CNBD1: variants seen among roughly 807,000 people sequenced by gnomAD.
CNBD1 encodes the protein cyclic nucleotide binding domain containing 1.
In CNBD1, 71 loss-of-function variants were observed where a neutral mutation model predicts 54.4. The observed-to-expected ratio is 1.30, with a 90% CI of 1.08 to 1.59. CNBD1 has a LOEUF of 1.59. Ranked by LOEUF, CNBD1 falls within the 40% of genes most tolerant of loss-of-function variation. CNBD1 has a pLI of 0.00. For missense variants in CNBD1, 659 were observed against 518.0 expected (o/e 1.27, Z -2.64); for synonymous variants, 182 against 170.7 (o/e 1.07, Z -0.51).
At position 87,096,343 on chromosome 8, in the gene CNBD1, C is replaced by CTT. The variant is rs764461082; in HGVS notation, c.432-109630_432-109629dup. Among the ~76,000 whole-genome samples the CTT allele has an allele frequency of 8.1e-3, 944 of 117,126 alleles. 19 individuals are homozygous for CTT. Among genetic ancestry groups the CTT allele is most frequent in the African/African-American group, 0.028 (902 of 32,760 alleles). 76.8% of individuals were successfully genotyped at this position (117,126 alleles called of 152,430 possible). On this transcript the variant is annotated intron_variant, in intron 4 of 10. Transcript: ENST00000518476. ...AGAAAGAAGAATAGCTCTCTGGTGT[C>CTT]TTTTTTTTTTTTTTTTTTTTTAATA...
chr8:87,237,161 T>C lies in CNBD1; in HGVS notation c.771+49T>C, dbSNP rs1406121826. 3.4e-6 allele frequency: 4 copies of C among 1,179,014 alleles called. No individual in the cohort carries two copies. The Admixed American group carries it at 6.8e-5, about 20-fold the overall frequency. 73.0% of individuals were successfully genotyped at this position (1,179,014 alleles called of 1,614,324 possible). A position where few individuals can be genotyped will look rare whatever the true frequency, so the allele number is the denominator to read the frequency against. ...TCCACAAGCAACAAGGTAACGGGCT[T>C]TTGTAAAACTTTATCTCTTCCAGAC... is the stretch of plus-strand genomic sequence containing the variant. On this transcript the variant is annotated intron_variant, in intron 6 of 10. Coordinates refer to ENST00000518476, the MANE Select transcript of CNBD1 (RefSeq NM_173538.3).
chr8:87,091,412 G>A (rs1315158874), intron 4 of CNBD1, among the ~76,000 whole-genome samples: 1 of 152,144 alleles, frequency 6.6e-6, no homozygotes, highest in African/African-American at 2.4e-5. Context: ...TCAGTATGGT[G>A]AGAATCAGTC....
chr8:86,937,103 G>A (rs1021291539), intron 3 of CNBD1, among the ~76,000 whole-genome samples: 1 of 152,164 alleles, frequency 6.6e-6, no homozygotes, highest in African/African-American at 2.4e-5. Context: ...AGTTCCACAT[G>A]GCTGAGGTAG....
At chr8:86,981,850 AATG>A (rs1808495664) in intron 4 of CNBD1, among the ~76,000 whole-genome samples, 1 of 152,202 alleles carries the variant, frequency 6.6e-6, no homozygotes, top group Admixed American at 6.5e-5. Context: ...TATTGTGAAT[AATG>A]ATTTTATGAA....
intron 8 of CNBD1, among the ~76,000 whole-genome samples, chr8:87,335,148 T>A (rs1332502430): frequency 1.3e-5 from 2 of 152,192 alleles, no homozygotes; most frequent in Non-Finnish European, 2.9e-5. Context: ...TTAGAGTAAG[T>A]GTCATGTGGC....
intron 3 of CNBD1, among the ~76,000 whole-genome samples, chr8:86,937,624 A>G (rs1028219042): frequency 2.0e-5 from 3 of 152,142 alleles, no homozygotes; most frequent in Admixed American, 6.5e-5. Flanking sequence ...CACCCTCTGA[A>G]GCAACGGTTT....
intron 10 of CNBD1, among the ~76,000 whole-genome samples, chr8:87,382,408 T>C (rs1811096454): frequency 6.6e-6 from 1 of 151,988 alleles, no homozygotes; most frequent in South Asian, 2.1e-4. Context: ...GAATTTTCCT[T>C]GTGGAAAAAT....
chr8:86,889,471 C>T (rs1384905476), intron 2 of CNBD1, among the ~76,000 whole-genome samples: 1 of 151,768 alleles, frequency 6.6e-6, no homozygotes, highest in Non-Finnish European at 1.5e-5. Flanking sequence ...GAAAAGTGAC[C>T]AATAAATTAC....
intron 4 of CNBD1, among the ~76,000 whole-genome samples, chr8:87,134,425 T>TC (rs1812183615): frequency 6.6e-6 from 1 of 152,116 alleles, no homozygotes; most frequent in East Asian, 1.9e-4. Context: ...GTTGCTTTGT[T>TC]TCTTAATATA....
rs200920343 is a variant in CNBD1 at position 87,349,384 on chromosome 8, A to AT, written c.1043-2292dup. Among the ~76,000 whole-genome samples, 261 of 151,492 alleles carry AT rather than the reference A, an allele frequency of 1.7e-3. 1 individual carries two copies. The highest frequency in any genetic ancestry group is 5.8e-3 in the African/African-American group (241 of 41,334). On this transcript the variant is annotated intron_variant, in intron 8 of 10. Transcript: ENST00000518476. The stretch of plus-strand genomic sequence containing the variant: ...GTTCTTATTTAAGTGTGAAGATACA[A>AT]TTTTTTTTTGAGGCGGAGTCTCACT...
intron 4 of CNBD1, among the ~76,000 whole-genome samples, chr8:87,082,146 A>T (rs528111744): frequency 2.0e-5 from 3 of 152,144 alleles, no homozygotes; most frequent in Non-Finnish European, 4.4e-5. Flanking sequence ...ACATTTCACC[A>T]TTGTGATTTG....
chr8:87,228,159 T>G (rs1163269113), intron 5 of CNBD1, among the ~76,000 whole-genome samples: 1 of 150,614 alleles, frequency 6.6e-6, no homozygotes, highest in South Asian at 2.1e-4. Flanking sequence ...TTTTTCAAAG[T>G]TTTCTACTTC....
intron 4 of CNBD1, among the ~76,000 whole-genome samples, chr8:87,035,357 A>G (rs920072956): frequency 5.9e-5 from 9 of 152,122 alleles, no homozygotes; most frequent in African/African-American, 2.2e-4. Flanking sequence ...TCAACATTAG[A>G]TTGGATATTT....
At chr8:87,207,615 A>C (rs1438799494) in intron 5 of CNBD1, among the ~76,000 whole-genome samples, 1 of 152,114 alleles carries the variant, frequency 6.6e-6, no homozygotes, top group South Asian at 2.1e-4. Context: ...TTTCTTCTAC[A>C]TATATTTGAG....
At chr8:86,979,754 C>T (rs1808433000) in intron 4 of CNBD1, among the ~76,000 whole-genome samples, 1 of 152,104 alleles carries the variant, frequency 6.6e-6, no homozygotes, top group Non-Finnish European at 1.5e-5. Flanking sequence ...AAGGTATGTT[C>T]TTCTACAAAC....
At chr8:87,192,310 A>G (rs577464118) in intron 4 of CNBD1, among the ~76,000 whole-genome samples, 16 of 152,286 alleles carry the variant, frequency 1.1e-4, no homozygotes, top group African/African-American at 3.6e-4. Context: ...TTTGTAATTT[A>G]TAAATTTGTA....
intron 4 of CNBD1, among the ~76,000 whole-genome samples, chr8:87,141,385 T>A (rs915848222): frequency 6.6e-6 from 1 of 152,262 alleles, no homozygotes; most frequent in Non-Finnish European, 1.5e-5. Flanking sequence ...TATATGTTCT[T>A]ACACTGTCAA....
chr8:87,372,354 T>C (rs1249913742), intron 10 of CNBD1, among the ~76,000 whole-genome samples: 1 of 152,014 alleles, frequency 6.6e-6, no homozygotes, highest in African/African-American at 2.4e-5. Context: ...CTTGCAGTTT[T>C]CACTGAGGTT....
At chr8:87,311,895 G>A (rs1432262020) in intron 8 of CNBD1, among the ~76,000 whole-genome samples, 1 of 151,998 alleles carries the variant, frequency 6.6e-6, no homozygotes, top group Non-Finnish European at 1.5e-5. Context: ...GCTAAACATT[G>A]GACACTCATG....
Sources: gnomAD v4.1 joint callset for allele counts (sites outside exome capture counted in the v4.1 genomes callset) on GRCh38, gnomAD v4.1.1 for gene constraint, MANE v1.5 for transcripts, NCBI Gene and HGNC (gene_info 2026-07-23, HGNC 2026-07-21) for gene names.